Variants in NFIX observed in about 807,000 individuals in gnomAD.
NFIX encodes nuclear factor 1 X-type.
Under a neutral mutation model 53.3 loss-of-function variants are expected in NFIX, and 2 were observed. That is an observed-to-expected ratio of 0.04 (90% CI 0.02 to 0.12). The LOEUF (loss-of-function observed/expected upper bound fraction) is 0.12, where lower values mean the gene tolerates loss of function less well. Among genes scored for constraint, NFIX ranks in the 10% least tolerant of loss-of-function variants. The pLI is 1.00. For missense variants in NFIX, 310 were observed against 674.5 expected (o/e 0.46, Z 5.99); for synonymous variants, 244 against 289.0 (o/e 0.84, Z 1.58).
chr19:13,084,429 G>C (rs374494762), intron 8 of NFIX, among the ~76,000 whole-genome samples: 5 of 152,290 alleles, frequency 3.3e-5, no homozygotes, highest in African/African-American at 1.2e-4. Context: ...GGGCGACAGA[G>C]TGAGACTCTG....
chr19:13,093,680 G>C lies in NFIX; in HGVS notation c.1495-955G>C, dbSNP rs911262595. 1.3e-5 allele frequency among the ~76,000 whole-genome samples: 2 copies of C among 152,218 alleles called. No individual in the cohort carries two copies. The highest frequency in any genetic ancestry group is 2.9e-5 in the Non-Finnish European group (2 of 68,028). The stretch of plus-strand genomic sequence containing the variant: ...TGGTATGTGCTCTGTAGTTGGCTCC[G>C]CCTGGCCCCTGCAGACCAGAGTCTG... On this transcript the variant is annotated intron_variant, in intron 10 of 10. Coordinates refer to ENST00000592199, the MANE Select transcript of NFIX (RefSeq NM_001365902.3). The surrounding 1 kb of genome is among the most constrained non-coding windows in gnomAD (Gnocchi z 4.7).
In NFIX at chr19:13,022,087, G is replaced by A. The variant is rs546805439; in HGVS notation, c.28-2934G>A. 2.6e-4 allele frequency among the ~76,000 whole-genome samples: 40 copies of A among 152,194 alleles called. No homozygotes were observed. The highest frequency in any genetic ancestry group is 5.0e-4 in the Non-Finnish European group (34 of 68,042). On this transcript the variant is annotated intron_variant, in intron 1 of 10. Coordinates refer to ENST00000592199, the MANE Select transcript of NFIX (RefSeq NM_001365902.3). The surrounding 1 kb of genome is among the most constrained non-coding windows in gnomAD (Gnocchi z 4.5). ...GAGAATTAAATGCCTGTGCAGTGGT[G>A]AGGGGCGTTGGTCAGATTCCTTGCC... is the stretch of plus-strand genomic sequence containing the variant.
In NFIX at chr19:13,078,879, C is replaced by T. The variant is rs2017285944; in HGVS notation, c.1078+144C>T. ...GGGCCAAGGTGCAGCAGCGGGTGGG[C>T]ATGGGAGCCGGCCCCTGCTTCACGT... is the stretch of plus-strand genomic sequence containing the variant. On this transcript the variant is annotated intron_variant, in intron 7 of 10. Coordinates refer to ENST00000592199, the MANE Select transcript of NFIX (RefSeq NM_001365902.3). The surrounding 1 kb of genome is among the most constrained non-coding windows in gnomAD (Gnocchi z 4.7). The T allele has an allele frequency of 2.9e-6, 3 of 1,023,010 alleles. No homozygotes were observed. Among genetic ancestry groups the T allele is most frequent in the Non-Finnish European group, 4.1e-6 (3 of 726,000 alleles). The allele number at this position is 1,023,010 out of a possible 1,614,324, so 63.4% of individuals were successfully genotyped here.
chr19:13,056,487 C>A (rs947337387), intron 2 of NFIX, among the ~76,000 whole-genome samples: 1 of 152,158 alleles, frequency 6.6e-6, no homozygotes, highest in Non-Finnish European at 1.5e-5. Context: ...GGTATTCACT[C>A]TTACTGTTAA....
At chr19:13,077,498 C>G (rs1043704690) in intron 6 of NFIX, among the ~76,000 whole-genome samples, 1 of 152,188 alleles carries the variant, frequency 6.6e-6, no homozygotes, top group Non-Finnish European at 1.5e-5. Flanking sequence ...ATGCTCCCCC[C>G]TCCCCACTGT....
Position 13,072,536 on chromosome 19 carries a change from G to A in NFIX, c.560-511G>A, listed in dbSNP as rs2016833767. On this transcript the variant is annotated intron_variant, in intron 2 of 10. Coordinates refer to ENST00000592199, the MANE Select transcript of NFIX (RefSeq NM_001365902.3). The surrounding 1 kb of genome is among the most constrained non-coding windows in gnomAD (Gnocchi z 4.0). Reference sequence around the variant, plus strand: ...GGAAGGGGATGCTCCTCTGGGAGCTGGAGCTGGGTGGGGGATGGGGGACCC... The same window carrying A: ...GGAAGGGGATGCTCCTCTGGGAGCTAGAGCTGGGTGGGGGATGGGGGACCC... Among the ~76,000 whole-genome samples, 2 of 152,258 alleles carry A rather than the reference G, an allele frequency of 1.3e-5. No individual in the cohort carries two copies. The highest frequency in any genetic ancestry group is 4.8e-5 in the African/African-American group (2 of 41,472).
At chr19:13,054,179 T>A (rs1190131052) in intron 2 of NFIX, among the ~76,000 whole-genome samples, 1 of 152,136 alleles carries the variant, frequency 6.6e-6, no homozygotes, top group Admixed American at 6.5e-5. Flanking sequence ...GAAGGGAAAC[T>A]CCCAGGAGCT....
rs1599887474 is a variant in NFIX at position 13,093,242 on chromosome 19, A to T, written c.1495-1393A>T. ...TTTCCATTGTCACAGAAAGTGCTAG[A>T]TGATCTCCAAGGCCCTTTCTGAAAC... is the stretch of plus-strand genomic sequence containing the variant. On this transcript the variant is annotated intron_variant, in intron 10 of 10. Transcript: ENST00000592199. This position sits in a 1 kb window ranked among gnomAD's most constrained non-coding sequence, Gnocchi z 4.7. 6.6e-6 allele frequency among the ~76,000 whole-genome samples: 1 copy of T among 152,240 alleles called. No individual in the cohort carries two copies. The highest frequency in any genetic ancestry group is 2.4e-5 in the African/African-American group (1 of 41,460).
chr19:13,072,244 C>A lies in NFIX; in HGVS notation c.560-803C>A, dbSNP rs2016818860. ...CAGGGGGACCAGGGTGGGGGGCTTT[C>A]CCAAGCTCAGCAAAATATTCACACA... On this transcript the variant is annotated intron_variant, in intron 2 of 10. Coordinates refer to ENST00000592199, the MANE Select transcript of NFIX (RefSeq NM_001365902.3). This position sits in a 1 kb window ranked among gnomAD's most constrained non-coding sequence, Gnocchi z 4.0. Among the ~76,000 whole-genome samples, 1 of 152,102 alleles carries A rather than the reference C, an allele frequency of 6.6e-6. No homozygotes were observed. The highest frequency in any genetic ancestry group is 1.5e-5 in the Non-Finnish European group (1 of 68,008).
chr19:13,029,118 C>T (rs1057356605), intron 2 of NFIX, among the ~76,000 whole-genome samples: 1 of 152,180 alleles, frequency 6.6e-6, no homozygotes, highest in African/African-American at 2.4e-5. Flanking sequence ...AGAAAGAACT[C>T]CTGTGTACCC....
At chr19:13,055,570 C>T (rs903061168) in intron 2 of NFIX, among the ~76,000 whole-genome samples, 7 of 152,176 alleles carry the variant, frequency 4.6e-5, no homozygotes, top group East Asian at 1.9e-4. Flanking sequence ...CACGGGGCCT[C>T]GGCTCTCCTC....
intron 1 of NFIX, chr19:13,023,937 TCC>T: frequency 4.0e-6 from 1 of 247,760 alleles, no homozygotes; most frequent in Non-Finnish European, 7.5e-6. Flanking sequence ...CTGCTCCTCC[TCC>T]TCCCCCCTCC....
At chr19:13,023,436 CCTCCG>C (rs2013075991) in intron 1 of NFIX, among the ~76,000 whole-genome samples, 1 of 151,786 alleles carries the variant, frequency 6.6e-6, no homozygotes, top group African/African-American at 2.4e-5. Context: ...TCCCCCTTTT[CCTCCG>C]ATCAGGCAGC....
chr19:13,057,613 A>G (rs1352077762), intron 2 of NFIX, among the ~76,000 whole-genome samples: 1 of 152,154 alleles, frequency 6.6e-6, no homozygotes, highest in Non-Finnish European at 1.5e-5. Context: ...AAATAAATAC[A>G]TAAAAAGAAA....
At chr19:12,995,958 AG>A (rs922665563) in intron 1 of NFIX, 94 bp downstream of exon 1, 15 of 462,010 alleles carry the variant, frequency 3.2e-5, no homozygotes, top group South Asian at 1.8e-4. Context: ...GCGGCCGGGA[AG>A]GGGGGGCCGA....
At chr19:13,061,594 C>A (rs2016095926) in intron 2 of NFIX, among the ~76,000 whole-genome samples, 1 of 152,176 alleles carries the variant, frequency 6.6e-6, no homozygotes, top group African/African-American at 2.4e-5. Flanking sequence ...TGAACCGCGT[C>A]GCTTCCTGAG....
At chr19:13,008,273 A>G (rs1053402977) in intron 1 of NFIX, among the ~76,000 whole-genome samples, 1 of 152,146 alleles carries the variant, frequency 6.6e-6, no homozygotes, top group East Asian at 1.9e-4. Context: ...GAGGGACACT[A>G]TGGACTTTTC....
chr19:13,023,222 C>G (rs2013053325), intron 1 of NFIX, among the ~76,000 whole-genome samples: 1 of 151,288 alleles, frequency 6.6e-6, no homozygotes, highest in African/African-American at 2.4e-5. Flanking sequence ...AAAAACACCC[C>G]AAAAACCCAA....
At chr19:13,054,588 C>A (rs184500582) in intron 2 of NFIX, among the ~76,000 whole-genome samples, 1 of 152,100 alleles carries the variant, frequency 6.6e-6, no homozygotes, top group Non-Finnish European at 1.5e-5. Context: ...CCCAGGGAGT[C>A]CTACTCCAAG....
Sources: gnomAD v4.1 joint callset for allele counts (sites outside exome capture counted in the v4.1 genomes callset) on GRCh38, gnomAD v4.1.1 for gene constraint, Gnocchi (gnomAD v3.1) non-coding constraint, MANE v1.5 for transcripts, NCBI Gene and HGNC (gene_info 2026-07-23, HGNC 2026-07-21) for gene names.